The following TBC1D23 variants were observed in gnomAD, a reference collection of about 807,000 sequenced individuals.
TBC1D23 encodes the protein TBC1 domain family member 23.
TBC1D23 carries 55 observed loss-of-function variants against 91.4 expected under a neutral mutation model. That is an observed-to-expected ratio of 0.60 (90% CI 0.48 to 0.75). The LOEUF (loss-of-function observed/expected upper bound fraction) is 0.75. Ranked by LOEUF, TBC1D23 falls within the 30% of genes least tolerant of loss-of-function variation. The pLI, the probability that TBC1D23 is intolerant of heterozygous loss-of-function variation, is 0.00. For missense variants in TBC1D23, 725 were observed against 836.1 expected (o/e 0.87, Z 1.64); for synonymous variants, 289 against 281.0 (o/e 1.03, Z -0.28).
chr3:100,272,475 T>C (rs1230775167), intron 1 of TBC1D23, among the ~76,000 whole-genome samples: 5 of 152,056 alleles, frequency 3.3e-5, no homozygotes, highest in Non-Finnish European at 7.4e-5. Context: ...ATTGTTAAAA[T>C]GGCCATACTG....
At position 100,283,367 on chromosome 3, in the gene TBC1D23, C is replaced by T. The variant is rs1040114876; in HGVS notation, c.272-240C>T. ...CCAGCCTGGGTGACAAGCTAAACTC[C>T]GTCTCAAAAAAAAAAAAGGCTGTTA... On this transcript the variant is annotated intron_variant, in intron 3 of 18. Transcript: ENST00000394144. 3.6e-4 allele frequency among the ~76,000 whole-genome samples: 54 copies of T among 150,502 alleles called. 1 individual carries two copies. Among genetic ancestry groups the T allele is most frequent in the Middle Eastern group, 6.8e-3 (2 of 294 alleles).
chr3:100,266,236 C>A (rs1192169165), intron 1 of TBC1D23, among the ~76,000 whole-genome samples: 2 of 151,518 alleles, frequency 1.3e-5, no homozygotes, highest in African/African-American at 4.8e-5. Context: ...ACATTAAAGT[C>A]TTTAATTATA....
chr3:100,316,758 T>C (rs1288153553), intron 16 of TBC1D23, among the ~76,000 whole-genome samples: 1 of 152,036 alleles, frequency 6.6e-6, no homozygotes, highest in Admixed American at 6.6e-5. Flanking sequence ...ATGGTGATAC[T>C]GTGTCAGGGA....
At chr3:100,282,017 G>A (rs1012054794) in intron 3 of TBC1D23, among the ~76,000 whole-genome samples, 170 bp downstream of exon 3, 3 of 152,068 alleles carry the variant, frequency 2.0e-5, no homozygotes, top group Non-Finnish European at 4.4e-5. Flanking sequence ...TAATTTTAAG[G>A]GAGCCTAGTT....
At chr3:100,268,398 TA>T (rs373075500) in intron 1 of TBC1D23, among the ~76,000 whole-genome samples, 4 of 151,516 alleles carry the variant, frequency 2.6e-5, no homozygotes, top group African/African-American at 7.3e-5. Context: ...GAATCCAGCT[TA>T]AAAAAAAACC....
chr3:100,320,673 T>C (rs1308799516), intron 17 of TBC1D23, 104 bp from the exon 18 acceptor site: 4 of 640,002 alleles, frequency 6.2e-6, no homozygotes, highest in Non-Finnish European at 7.2e-6. Context: ...TCAATTTTAT[T>C]TAGAGTTGAA....
chr3:100,264,001 C>T (rs2067536820), intron 1 of TBC1D23, among the ~76,000 whole-genome samples: 1 of 152,124 alleles, frequency 6.6e-6, no homozygotes, highest in Admixed American at 6.6e-5. Context: ...TCTGTTTTCC[C>T]TCCATCCTCT....
At chr3:100,271,407 AAG>A (rs2067598221) in intron 1 of TBC1D23, among the ~76,000 whole-genome samples, 1 of 152,186 alleles carries the variant, frequency 6.6e-6, no homozygotes, top group African/African-American at 2.4e-5. Context: ...TCTCAGAAGA[AAG>A]AGCCAGTAGA....
At chr3:100,284,854 A>G (rs1052019704) in intron 4 of TBC1D23, among the ~76,000 whole-genome samples, 2 of 152,216 alleles carry the variant, frequency 1.3e-5, no homozygotes, top group African/African-American at 4.8e-5. Context: ...AAAAATCCTA[A>G]TGACTATTTG....
At chr3:100,295,949 T>G (rs1225927545) in intron 7 of TBC1D23, among the ~76,000 whole-genome samples, 1 of 152,240 alleles carries the variant, frequency 6.6e-6, no homozygotes, top group East Asian at 1.9e-4. Context: ...TTAAGGTTAA[T>G]GAATTTGATT....
At chr3:100,270,851 C>T (rs1444497685) in intron 1 of TBC1D23, among the ~76,000 whole-genome samples, 1 of 151,874 alleles carries the variant, frequency 6.6e-6, no homozygotes, top group Non-Finnish European at 1.5e-5. Context: ...CACTTTAAGA[C>T]ACAATATTAA....
At chr3:100,308,448 CT>C (rs1705556710) in intron 13 of TBC1D23, among the ~76,000 whole-genome samples, 1 of 151,274 alleles carries the variant, frequency 6.6e-6, no homozygotes, top group Admixed American at 6.6e-5. Flanking sequence ...GCACTCCAGT[CT>C]CTGGGCGACA....
intron 1 of TBC1D23, among the ~76,000 whole-genome samples, chr3:100,267,525 T>A (rs2067566860): frequency 6.6e-6 from 1 of 152,234 alleles, no homozygotes; most frequent in Admixed American, 6.5e-5. Flanking sequence ...TTCTTTTTTA[T>A]TTTAAAGTAG....
intron 15 of TBC1D23, among the ~76,000 whole-genome samples, chr3:100,313,026 AATAAT>A (rs1705655786): frequency 6.6e-6 from 1 of 151,158 alleles, no homozygotes; most frequent in African/African-American, 2.4e-5. Context: ...TAATAATAAT[AATAAT>A]ATAATAATAA....
intron 4 of TBC1D23, among the ~76,000 whole-genome samples, chr3:100,285,298 A>G (rs959422295): frequency 4.6e-5 from 7 of 152,186 alleles, no homozygotes; most frequent in Non-Finnish European, 1.0e-4. Flanking sequence ...TTCCCCCAAA[A>G]TGGGGGGAAT....
Position 100,283,734 on chromosome 3 carries a change from A to G in TBC1D23, c.399A>G (p.Lys133=). 6.2e-7 allele frequency: 1 copy of G among 1,613,270 alleles called. No homozygotes were observed. The highest frequency in any genetic ancestry group is 8.5e-7 in the Non-Finnish European group (1 of 1,179,252). ...CCCTTAGCTGGATACATCTACTGAA[A>G]CCATTGGTGCATCTTCAACTGCCAC... ...STSLSWIHLL[K]PLVHLQLPRS... is the part of the protein sequence containing the mutation. Residue 133 remains lysine, a synonymous_variant, in exon 4 of 19, where the codon AAA becomes AAG. Transcript: ENST00000394144.
intron 17 of TBC1D23, 124 bp downstream of exon 17, chr3:100,319,328 C>G: frequency 1.3e-6 from 1 of 782,574 alleles, no homozygotes; most frequent in Non-Finnish European, 2.0e-6. Context: ...CTTCTGTCTA[C>G]TTGTATTACA....
chr3:100,283,825 C>T lies in TBC1D23; in HGVS notation c.476+14C>T. 1 of 1,562,146 alleles carries T rather than the reference C, an allele frequency of 6.4e-7. No individual in the cohort carries two copies. The highest frequency in any genetic ancestry group is 1.1e-5 in the South Asian group (1 of 89,772). ...GTACATTCCCAGGTAAAATATGATTCAGTTATTGTAGTTTTTAAAAGTGAA... is the reference window on the plus strand; with the variant it reads ...GTACATTCCCAGGTAAAATATGATTTAGTTATTGTAGTTTTTAAAAGTGAA... On this transcript the variant is annotated intron_variant, in intron 4 of 18. Coordinates refer to ENST00000394144, the MANE Select transcript of TBC1D23 (RefSeq NM_001199198.3).
intron 5 of TBC1D23, among the ~76,000 whole-genome samples, chr3:100,293,421 C>A (rs1036679739): frequency 6.6e-6 from 1 of 152,214 alleles, no homozygotes; most frequent in African/African-American, 2.4e-5. Context: ...GCGTGAGCCA[C>A]TGTGCCTGGC....
Sources: allele counts gnomAD v4.1 joint callset (sites outside exome capture counted in the v4.1 genomes callset), GRCh38; gene constraint gnomAD v4.1.1; transcripts MANE v1.5; gene names NCBI Gene and HGNC (gene_info 2026-07-23, HGNC 2026-07-21).